SLC15A2: variants seen among roughly 807,000 people sequenced by gnomAD.
The protein encoded by SLC15A2 is solute carrier family 15 member 2, also known as kidney H(+)/peptide cotransporter.
In SLC15A2, 77 loss-of-function variants were observed where a neutral mutation model predicts 95.5. The observed-to-expected ratio is 0.81, with a 90% confidence interval of 0.67 to 0.97. The LOEUF is 0.97. Among genes scored for constraint, SLC15A2 ranks in the 50% least tolerant of loss-of-function variants. SLC15A2 has a pLI of 0.00. For synonymous variants in SLC15A2, 306 were observed against 306.9 expected (o/e 1.00, Z 0.03); for missense variants, 893 against 874.4 (o/e 1.02, Z -0.27).
rs1709381887 is a variant in SLC15A2, at chr3:121,894,506, G to C, written c.30G>C (p.Lys10Asn). MNPFQKNES[K>N]ETLFSPVSIE... ...ATCCTTTCCAGAAAAATGAGTCCAAGGAAACTCTTTTTTCACCTGTCTCCA... is the reference window on the plus strand; with the variant it reads ...ATCCTTTCCAGAAAAATGAGTCCAACGAAACTCTTTTTTCACCTGTCTCCA... Residue 10 changes from lysine to asparagine, a missense_variant, in exon 1 of 22, where the codon AAG (lysine) becomes AAC (asparagine). Physicochemically the swap from Lys to Asn is moderately conservative, Grantham distance 94. Transcript: ENST00000489711. The C allele has an allele frequency of 1.2e-6, 2 of 1,613,502 alleles. No individual in the cohort carries two copies. Among genetic ancestry groups the C allele is most frequent in the Non-Finnish European group, 1.7e-6 (2 of 1,179,670 alleles).
At chr3:121,914,546 G>A (rs1709841471) in intron 5 of SLC15A2, among the ~76,000 whole-genome samples, 2 of 152,096 alleles carry the variant, frequency 1.3e-5, no homozygotes, top group Non-Finnish European at 2.9e-5. Context: ...CCTATGTTCT[G>A]GTACTATTCC....
At chr3:121,930,602 T>A (rs1390736839) in intron 17 of SLC15A2, among the ~76,000 whole-genome samples, 3 of 152,180 alleles carry the variant, frequency 2.0e-5, no homozygotes, top group Non-Finnish European at 4.4e-5. Flanking sequence ...GGTGAGGATG[T>A]GGCAGATAAA....
rs1191905406 is a variant in SLC15A2 at position 121,930,833 on chromosome 3, C to A, written c.1554-7C>A. On this transcript the variant is annotated splice_region_variant and splice_polypyrimidine_tract_variant and intron_variant, in intron 17 of 21. Transcript: ENST00000489711. ...GTTTGATATGTAAATAATATCTCTA[C>A]CCTCAGGTTTGTTAACACTTTGCAT... The A allele has an allele frequency of 5.8e-6, 9 of 1,556,390 alleles. No homozygotes were observed. In the South Asian group the frequency reaches 6.7e-5, roughly 12 times the overall value.
chr3:121,940,900 T>G lies in SLC15A2; in HGVS notation c.2083T>G (p.Tyr695Asp). 6.2e-7 allele frequency: 1 copy of G among 1,614,206 alleles called. No homozygotes were observed. Among genetic ancestry groups the G allele is most frequent in the Non-Finnish European group, 8.5e-7 (1 of 1,180,032 alleles). ...ICLIFSIMGY[Y>D]YVPVKTEDMR... is the part of the protein sequence containing the mutation. ...CCTGATCTTCTCCATCATGGGCTAC[T>G]ACTATGTTCCTGTAAAGACAGAGGA... Residue 695 changes from tyrosine (Y) to aspartate (D), a missense_variant, in exon 22 of 22, where the codon TAC becomes GAC. By Grantham distance (160) the Tyr-to-Asp change is radical. Transcript: ENST00000489711.
intron 3 of SLC15A2, among the ~76,000 whole-genome samples, chr3:121,903,011 A>G (rs2107572169): frequency 6.6e-6 from 1 of 152,346 alleles, no homozygotes; most frequent in South Asian, 2.1e-4. Flanking sequence ...CCTCTCCAGC[A>G]TCTGCTGTCT....
chr3:121,932,903 C>T (rs1266061548), intron 19 of SLC15A2, among the ~76,000 whole-genome samples: 6 of 152,058 alleles, frequency 3.9e-5, no homozygotes, highest in African/African-American at 1.2e-4. Flanking sequence ...CAGTGCTATC[C>T]CTCCCCCCTC....
At chr3:121,938,722 T>C (rs1049319233) in intron 19 of SLC15A2, among the ~76,000 whole-genome samples, 3 of 152,160 alleles carry the variant, frequency 2.0e-5, no homozygotes, top group African/African-American at 7.2e-5. Flanking sequence ...AAATCACCCG[T>C]CTTCTGCATT....
At chr3:121,910,363 ATT>A (rs915518667) in intron 3 of SLC15A2, among the ~76,000 whole-genome samples, 1 of 151,904 alleles carries the variant, frequency 6.6e-6, no homozygotes, top group Admixed American at 6.6e-5. Flanking sequence ...CGCCCAGCTA[ATT>A]TTTGTATTTT....
rs148834912 is a variant in SLC15A2 at position 121,932,910 on chromosome 3, C to A, written c.1761+1175C>A. 7.4e-3 allele frequency among the ~76,000 whole-genome samples: 1,119 copies of A among 152,224 alleles called. 14 individuals carry two copies. Among genetic ancestry groups the A allele is most frequent in the African/African-American group, 0.025 (1,057 of 41,496 alleles). On this transcript the variant is annotated intron_variant, in intron 19 of 21. Coordinates refer to ENST00000489711, the MANE Select transcript of SLC15A2 (RefSeq NM_021082.4). ...ATATCTCCCAGTGCTATCCCTCCCC[C>A]CTCCGCGCACCCCACAACAGTCCCC...
Position 121,928,966 on chromosome 3 carries a change from A to T in SLC15A2, c.1342-16A>T, listed in dbSNP as rs763524964. The T allele has an allele frequency of 1.1e-5, 18 of 1,612,548 alleles. No homozygotes were observed. Among genetic ancestry groups the T allele is most frequent in the Non-Finnish European group, 1.5e-5 (18 of 1,179,254 alleles). On this transcript the variant is annotated splice_polypyrimidine_tract_variant and intron_variant, in intron 15 of 21. Transcript: ENST00000489711. ...AAGGTGTACGTGACCTTCATTTTAT[A>T]TTCTTCATTTTACAGAAAACACCAC...
chr3:121,933,016 G>C (rs1316361762), intron 19 of SLC15A2, among the ~76,000 whole-genome samples: 5 of 150,602 alleles, frequency 3.3e-5, no homozygotes, highest in African/African-American at 1.2e-4. Flanking sequence ...GCGGTGTTTG[G>C]TTTTTTGTTC....
rs190748306 is a variant in SLC15A2 at position 121,936,017 on chromosome 3, G to T, written c.1762-3332G>T. Among the ~76,000 whole-genome samples, 25 of 152,192 alleles carry T rather than the reference G, an allele frequency of 1.6e-4. No homozygotes were observed. The East Asian group carries it at 3.9e-3, about 23-fold the overall frequency. On this transcript the variant is annotated intron_variant, in intron 19 of 21. Transcript: ENST00000489711. ...ATCTTTATTTCTGCCTTCATTTCGTGATGTACCCAGTAGTCATTCAGGAGC... is the reference window on the plus strand; with the variant it reads ...ATCTTTATTTCTGCCTTCATTTCGTTATGTACCCAGTAGTCATTCAGGAGC...
chr3:121,943,679 T>C lies in SLC15A2; in HGVS notation c.*2672T>C, dbSNP rs916272135. ...CTTATCACTTAATGACAGGGATACA[T>C]TTGAGGAATGCATTGTTAGGCAATT... On this transcript the variant is annotated 3_prime_UTR_variant, in exon 22 of 22. Transcript: ENST00000489711. 1.3e-5 allele frequency: 2 copies of C among 152,198 alleles called. No individual in the cohort carries two copies. Among genetic ancestry groups the C allele is most frequent in the Non-Finnish European group, 2.9e-5 (2 of 68,036 alleles). The allele number at this position is 152,198 out of a possible 1,614,324, so 9.4% of individuals were successfully genotyped here. A position where few individuals can be genotyped will look rare whatever the true frequency, so the allele number is the denominator to read the frequency against.
chr3:121,928,889 G>T, intron 15 of SLC15A2, 93 bp from the exon 16 acceptor site: 1 of 1,365,426 alleles, frequency 7.3e-7, no homozygotes, highest in South Asian at 1.4e-5. Context: ...GAAAGTGTCT[G>T]ATGAGGTCAC....
chr3:121,915,712 A>G lies in SLC15A2; in HGVS notation c.697+19A>G. 1 of 1,579,408 alleles carries G rather than the reference A, an allele frequency of 6.3e-7. No individual in the cohort carries two copies. The highest frequency in any genetic ancestry group is 1.1e-5 in the South Asian group (1 of 90,292). On this transcript the variant is annotated intron_variant, in intron 7 of 21. Coordinates refer to ENST00000489711, the MANE Select transcript of SLC15A2 (RefSeq NM_021082.4). ...GCACTTGGTAAGTGCAGTGAAGCAAAGGAAACTAATAATCATTGATACCTG... is the reference window on the plus strand; with the variant it reads ...GCACTTGGTAAGTGCAGTGAAGCAAGGGAAACTAATAATCATTGATACCTG...
chr3:121,937,976 T>G (rs967391850), intron 19 of SLC15A2, among the ~76,000 whole-genome samples: 6 of 151,714 alleles, frequency 4.0e-5, no homozygotes, highest in Admixed American at 1.3e-4. Context: ...TTAGTTTTCC[T>G]TCTAACAGAC....
Position 121,911,613 on chromosome 3 carries a change from T to C in SLC15A2, c.375T>C (p.His125=), listed in dbSNP as rs776570546. ...IYLSLVYVLG[H]VIKSLGALPI... is the part of the protein sequence containing the mutation. The stretch of plus-strand genomic sequence containing the variant: ...TCTCCTTGGTGTATGTGCTTGGCCA[T>C]GTGATCAAGTCCTTGGGTGCCTTAC... The change falls in exon 4 of 22, where the codon CAT becomes CAC. Residue 125 remains histidine, a synonymous_variant. Coordinates refer to ENST00000489711, the MANE Select transcript of SLC15A2 (RefSeq NM_021082.4). 53 of 1,614,112 alleles carry C rather than the reference T, an allele frequency of 3.3e-5. No homozygotes were observed. The South Asian group carries it at 5.8e-4, about 18-fold the overall frequency.
intron 3 of SLC15A2, among the ~76,000 whole-genome samples, chr3:121,910,595 A>G (rs1228940321): frequency 6.6e-6 from 1 of 152,186 alleles, no homozygotes; most frequent in Non-Finnish European, 1.5e-5. Flanking sequence ...CCACATCCTG[A>G]GAGTTCTGAC....
chr3:121,910,353 C>T (rs144111446), intron 3 of SLC15A2, among the ~76,000 whole-genome samples: 73 of 152,134 alleles, frequency 4.8e-4, no homozygotes, highest in African/African-American at 9.2e-4. Flanking sequence ...CATGTCACCA[C>T]GCCCAGCTAA....
Sources: gnomAD v4.1 joint callset for allele counts (sites outside exome capture counted in the v4.1 genomes callset) on GRCh38, gnomAD v4.1.1 for gene constraint, MANE v1.5 for transcripts, NCBI Gene and HGNC (gene_info 2026-07-23, HGNC 2026-07-21) for gene names.